UACA: variants seen among roughly 807,000 people sequenced by gnomAD.
UACA encodes the protein nuclear membrane binding protein.
UACA carries 112 observed loss-of-function variants against 160.5 expected under a neutral mutation model. That is an observed-to-expected ratio of 0.70 (90% CI 0.60 to 0.82). The LOEUF is 0.82. Among genes scored for constraint, UACA ranks in the 40% least tolerant of loss-of-function variants. The pLI is 0.00. For missense variants in UACA, 1,574 were observed against 1,614.6 expected (o/e 0.97, Z 0.43); for synonymous variants, 557 against 568.4 (o/e 0.98, Z 0.29).
In UACA at chr15:70,698,802, G is replaced by C. The variant is rs147926364; in HGVS notation, c.212+725C>G. 3.4e-3 allele frequency among the ~76,000 whole-genome samples: 510 copies of C among 152,046 alleles called. 4 individuals are homozygous for C. The highest frequency in any genetic ancestry group is 0.012 in the African/African-American group (487 of 41,460). On this transcript the variant is annotated intron_variant, in intron 2 of 18. Transcript: ENST00000322954. ...AGGTTTTAAATGCTATAAGTATAGAGGGTCATAACAGGGACTAGATCTACC... is the reference window on the plus strand; with the variant it reads ...AGGTTTTAAATGCTATAAGTATAGACGGTCATAACAGGGACTAGATCTACC...
At chr15:70,716,234 G>C (rs770839363) in intron 1 of UACA, among the ~76,000 whole-genome samples, 5 of 152,160 alleles carry the variant, frequency 3.3e-5, no homozygotes, top group African/African-American at 4.8e-5. Context: ...TTGAGGGTAG[G>C]AGAGCATGAC....
rs374484868 is a variant in UACA, at chr15:70,667,454, T to C, written c.3230A>G (p.Gln1077Arg). The change falls in exon 16 of 19, where the codon CAG becomes CGG. Residue 1077 changes from glutamine to arginine, a missense_variant. Transcript: ENST00000322954. ...ELNKQLKDLS[Q>R]KYTEVKNVKE... ...CACATTCTTTACTTCCGTGTATTTC[T>C]GTGACAAGTCTTTTAACTGTTTGTT... The C allele has an allele frequency of 1.7e-5, 28 of 1,609,806 alleles. No homozygotes were observed. In the African/African-American group the frequency reaches 2.4e-4, roughly 14 times the overall value.
At chr15:70,675,777 T>A (rs573955762) in intron 13 of UACA, among the ~76,000 whole-genome samples, 7 of 152,334 alleles carry the variant, frequency 4.6e-5, no homozygotes. Flanking sequence ...GTGTTGAAAC[T>A]TAAATTCCCA....
chr15:70,767,097 A>G (rs554578292), upstream of UACA, among the ~76,000 whole-genome samples: 6 of 151,772 alleles, frequency 4.0e-5, no homozygotes, highest in Non-Finnish European at 7.4e-5. Flanking sequence ...AAAATTAGCC[A>G]GGCGTGGTGG....
intron 9 of UACA, among the ~76,000 whole-genome samples, chr15:70,680,743 A>T (rs376245664): frequency 6.6e-6 from 1 of 152,130 alleles, no homozygotes; most frequent in African/African-American, 2.4e-5. Context: ...TTTAATTAAG[A>T]TCCATCTTCC....
At chr15:70,670,582 C>T (rs1897102281) in intron 15 of UACA, among the ~76,000 whole-genome samples, 2 of 152,098 alleles carry the variant, frequency 1.3e-5, no homozygotes, top group African/African-American at 4.8e-5. Context: ...TCAGCCGAAT[C>T]CTTTCCTCTG....
chr15:70,770,269 T>G, the UACA span, among the ~76,000 whole-genome samples: 11 of 152,352 alleles, frequency 7.2e-5, no homozygotes, highest in East Asian at 1.9e-3. Flanking sequence ...AACTCCAACA[T>G]TTATTTGGCA....
intron 1 of UACA, among the ~76,000 whole-genome samples, chr15:70,740,867 C>T (rs956481347): frequency 2.0e-5 from 3 of 151,266 alleles, no homozygotes; most frequent in African/African-American, 4.9e-5. Context: ...GGTGAAACCC[C>T]GTCTCTACCA....
At chr15:70,774,443 G>A in the UACA span, among the ~76,000 whole-genome samples, 566 of 151,872 alleles carry the variant, frequency 3.7e-3, 5 homozygotes, top group African/African-American at 0.013. Flanking sequence ...CTACTCGGGA[G>A]GCTGAGGCAG....
intron 1 of UACA, among the ~76,000 whole-genome samples, chr15:70,713,226 C>T (rs1181756791): frequency 6.6e-6 from 1 of 152,198 alleles, no homozygotes; most frequent in Admixed American, 6.5e-5. Context: ...TGGCCGGCGC[C>T]TGTAGTCCCA....
chr15:70,691,437 ATTC>A (rs1897931248), intron 3 of UACA, 74 bp from the exon 4 acceptor site: 1 of 1,166,722 alleles, frequency 8.6e-7, no homozygotes, highest in East Asian at 2.4e-5. Context: ...TAGAAATATG[ATTC>A]TTTTTTCCCA....
rs1896481738 is a variant in UACA, at chr15:70,656,629, AT to A, written c.*426del. The A allele has an allele frequency of 6.4e-6, 1 of 157,068 alleles. No individual in the cohort carries two copies. The highest frequency in any genetic ancestry group is 6.2e-5 in the Admixed American group (1 of 16,224). The allele number at this position is 157,068 out of a possible 1,614,324, so 9.7% of individuals were successfully genotyped here. On this transcript the variant is annotated 3_prime_UTR_variant, in exon 19 of 19. Coordinates refer to ENST00000322954, the MANE Select transcript of UACA (RefSeq NM_018003.4). ...GTTACAACACATTCCTCACAACTGTATTATGTCTCAAGGTTCTGAGGATCTG... is the reference window on the plus strand; with the variant it reads ...GTTACAACACATTCCTCACAACTGTATATGTCTCAAGGTTCTGAGGATCTG...
At chr15:70,760,374 G>A (rs1046216746) in intron 1 of UACA, among the ~76,000 whole-genome samples, 1 of 152,064 alleles carries the variant, frequency 6.6e-6, no homozygotes, top group African/African-American at 2.4e-5. Flanking sequence ...CACCTTCTCT[G>A]CACAGCAAAT....
At chr15:70,756,604 G>A (rs539453965) in intron 1 of UACA, among the ~76,000 whole-genome samples, 24 of 152,286 alleles carry the variant, frequency 1.6e-4, no homozygotes, top group African/African-American at 5.5e-4. Flanking sequence ...TGGGCGAGGT[G>A]GCTCATGCCT....
At chr15:70,754,278 G>A (rs1351899170) in intron 1 of UACA, 2 of 370,100 alleles carry the variant, frequency 5.4e-6, no homozygotes, top group African/African-American at 4.3e-5. Context: ...CTTTACAACA[G>A]TACAAAAGCT....
intron 1 of UACA, among the ~76,000 whole-genome samples, chr15:70,728,197 C>T (rs1899204673): frequency 6.6e-6 from 1 of 152,120 alleles, no homozygotes; most frequent in Non-Finnish European, 1.5e-5. Context: ...AAACTAGACC[C>T]CTACCTTTCA....
At chr15:70,714,117 T>C (rs1898760075) in intron 1 of UACA, among the ~76,000 whole-genome samples, 1 of 152,190 alleles carries the variant, frequency 6.6e-6, no homozygotes, top group African/African-American at 2.4e-5. Flanking sequence ...ACACAAGCTC[T>C]ATCACAATTC....
chr15:70,748,110 G>A (rs1012228450), intron 1 of UACA, among the ~76,000 whole-genome samples: 1 of 152,038 alleles, frequency 6.6e-6, no homozygotes. Flanking sequence ...ACCCAAGGTG[G>A]GGCAGTCTGC....
intron 1 of UACA, among the ~76,000 whole-genome samples, chr15:70,744,635 CA>C (rs1481740663): frequency 6.6e-6 from 1 of 152,118 alleles, no homozygotes; most frequent in Non-Finnish European, 1.5e-5. Flanking sequence ...TAATGGTCCT[CA>C]GGGGTGACAG....
Sources: allele counts gnomAD v4.1 joint callset (sites outside exome capture counted in the v4.1 genomes callset), GRCh38; gene constraint gnomAD v4.1.1; transcripts MANE v1.5; gene names NCBI Gene and HGNC (gene_info 2026-07-23, HGNC 2026-07-21).